The following KLHL8 variants were observed in gnomAD, a reference collection of about 807,000 sequenced individuals.
KLHL8 encodes kelch like family member 8, also known as kelch-like protein 8.
KLHL8 carries 38 observed loss-of-function variants against 63.5 expected under a neutral mutation model. The observed-to-expected ratio is 0.60, with a 90% CI of 0.46 to 0.78. The LOEUF is 0.78. Among genes scored for constraint, KLHL8 ranks in the 30% least tolerant of loss-of-function variants. The pLI, the probability that KLHL8 is intolerant of heterozygous loss-of-function variation, is 0.00. For synonymous variants in KLHL8, 224 were observed against 254.3 expected, an observed-to-expected ratio of 0.88 and a Z score of 1.13; for missense variants, 566 against 752.4, an observed-to-expected ratio of 0.75 and a Z score of 2.90.
At chr4:87,195,108 C>T (rs998235439) in intron 2 of KLHL8, among the ~76,000 whole-genome samples, 2 of 152,150 alleles carry the variant, frequency 1.3e-5, no homozygotes, top group African/African-American at 4.8e-5. Flanking sequence ...TGAATATCAA[C>T]ATTAAATTAG....
At chr4:87,229,074 A>T (rs906919383) in intron 1 of KLHL8, among the ~76,000 whole-genome samples, 1 of 152,370 alleles carries the variant, frequency 6.6e-6, no homozygotes, top group South Asian at 2.1e-4. Flanking sequence ...AAAAACTTTT[A>T]GCCTGTTTCC....
intron 1 of KLHL8, among the ~76,000 whole-genome samples, chr4:87,234,992 T>C (rs1178540394): frequency 6.6e-6 from 1 of 152,228 alleles, no homozygotes; most frequent in African/African-American, 2.4e-5. Flanking sequence ...TATTTTTGAA[T>C]GGCTGTACAG....
chr4:87,219,763 G>C (rs1732749314), intron 1 of KLHL8: 1 of 152,540 alleles, frequency 6.6e-6, no homozygotes, highest in Non-Finnish European at 1.5e-5. Context: ...TCTAGAAAGA[G>C]GCTGCGGTTC....
chr4:87,181,492 G>C (rs1266615495), intron 4 of KLHL8, among the ~76,000 whole-genome samples: 1 of 151,822 alleles, frequency 6.6e-6, no homozygotes, highest in African/African-American at 2.4e-5. Flanking sequence ...GCACAGCTAG[G>C]ATTATAATCC....
chr4:87,170,514 G>A lies in KLHL8; in HGVS notation c.1310C>T (p.Ser437Phe). 1 of 1,613,946 alleles carries A rather than the reference G, an allele frequency of 6.2e-7. No individual in the cohort carries two copies. Among genetic ancestry groups the A allele is most frequent in the Non-Finnish European group, 8.5e-7 (1 of 1,179,930 alleles). The change falls in exon 7 of 10, where the codon TCT (serine) becomes TTT (phenylalanine). Residue 437 changes from serine to phenylalanine, a missense_variant. Physicochemically the swap from Ser to Phe is radical, Grantham distance 155. Transcript: ENST00000273963. ...FNDVERYDIE[S>F]DQWSTVAPMN... is the part of the protein sequence containing the mutation. ...TGGTGCCACTGTACTCCACTGATCA[G>A]ATTCTATGTCATATCTCTCCACATC...
At chr4:87,227,812 G>A (rs1463559628) in intron 1 of KLHL8, among the ~76,000 whole-genome samples, 2 of 152,166 alleles carry the variant, frequency 1.3e-5, no homozygotes, top group Non-Finnish European at 2.9e-5. Context: ...AAGCCACTGT[G>A]TCAGGGCTTT....
At chr4:87,232,231 C>A (rs1383812387) in intron 1 of KLHL8, among the ~76,000 whole-genome samples, 1 of 151,976 alleles carries the variant, frequency 6.6e-6, no homozygotes, top group East Asian at 1.9e-4. Context: ...GTAGTTGTAC[C>A]CTATTTGCAT....
intron 5 of KLHL8, 43 bp from the exon 6 acceptor site, chr4:87,176,911 A>C (rs1229523798): frequency 2.1e-6 from 2 of 946,676 alleles, no homozygotes; most frequent in African/African-American, 1.7e-5. Context: ...CAAACAAATA[A>C]ATTCATATCA....
intron 1 of KLHL8, among the ~76,000 whole-genome samples, chr4:87,233,296 G>A (rs1733170004): frequency 6.6e-6 from 1 of 152,134 alleles, no homozygotes; most frequent in Admixed American, 6.6e-5. Flanking sequence ...TGATTAGAAT[G>A]TAATCAAACT....
intron 7 of KLHL8, 102 bp from the exon 8 acceptor site, chr4:87,170,340 T>C (rs1043449262): frequency 7.0e-7 from 1 of 1,431,280 alleles, no homozygotes; most frequent in Middle Eastern, 1.8e-4. Context: ...CAGGAAATAA[T>C]ATGATATATA....
chr4:87,204,408 T>G (rs987106858), intron 1 of KLHL8, among the ~76,000 whole-genome samples: 5 of 151,866 alleles, frequency 3.3e-5, no homozygotes, highest in South Asian at 2.1e-4. Context: ...GGTGGAAGTT[T>G]CTTACACAGT....
intron 1 of KLHL8, chr4:87,207,722 C>A (rs1453946928): frequency 3.4e-6 from 3 of 876,720 alleles, no homozygotes; most frequent in Non-Finnish European, 3.9e-6. Flanking sequence ...TCTACTGGTG[C>A]TGCCAAGGCT....
At chr4:87,225,165 G>T (rs578109999), upstream of KLHL8, among the ~76,000 whole-genome samples, 1 of 152,102 alleles carries the variant, frequency 6.6e-6, no homozygotes, top group East Asian at 1.9e-4. Flanking sequence ...CCTTTGCCTG[G>T]TGAACTCTTT....
chr4:87,209,159 A>C (rs1315965422), intron 1 of KLHL8, among the ~76,000 whole-genome samples: 2 of 150,400 alleles, frequency 1.3e-5, no homozygotes, highest in African/African-American at 4.9e-5. Flanking sequence ...TTCAACCTAC[A>C]CTCCAGAATT....
At chr4:87,180,102 T>C (rs1730992566) in intron 4 of KLHL8, among the ~76,000 whole-genome samples, 3 of 152,200 alleles carry the variant, frequency 2.0e-5, no homozygotes, top group Admixed American at 2.0e-4. Context: ...CCCAATCTCC[T>C]CCCCTCTTTC....
intron 1 of KLHL8, among the ~76,000 whole-genome samples, chr4:87,234,166 G>A (rs1219059943): frequency 6.6e-6 from 1 of 152,176 alleles, no homozygotes; most frequent in Non-Finnish European, 1.5e-5. Flanking sequence ...CTGGCTGGGT[G>A]TGGTGGCTCA....
At chr4:87,166,881 CCT>C (rs1350919597) in intron 8 of KLHL8, 5 of 162,874 alleles carry the variant, frequency 3.1e-5, no homozygotes, top group African/African-American at 1.2e-4. Context: ...TGCCTGCAGC[CCT>C]GAGCCGGATG....
intron 8 of KLHL8, among the ~76,000 whole-genome samples, chr4:87,168,670 G>A (rs543756375): frequency 5.5e-5 from 8 of 145,502 alleles, no homozygotes; most frequent in Admixed American, 6.8e-5. Flanking sequence ...GTATATATAT[G>A]TGTGTATATA....
intron 1 of KLHL8, among the ~76,000 whole-genome samples, chr4:87,202,925 A>G (rs1731974483): frequency 6.6e-6 from 1 of 152,224 alleles, no homozygotes; most frequent in African/African-American, 2.4e-5. Flanking sequence ...ATTAGCAAAT[A>G]TAATCCAGCA....
Sources: allele counts gnomAD v4.1 joint callset (sites outside exome capture counted in the v4.1 genomes callset), GRCh38; gene constraint gnomAD v4.1.1; transcripts MANE v1.5; gene names NCBI Gene and HGNC (gene_info 2026-07-23, HGNC 2026-07-21).